The following PSMB7 variants were observed in gnomAD, a reference collection of about 807,000 sequenced individuals.
PSMB7 encodes proteasome 20S subunit beta 7.
Under a neutral mutation model 28.1 loss-of-function variants are expected in PSMB7, and 5 were observed. The observed-to-expected ratio is 0.18, with a 90% CI of 0.09 to 0.37. The LOEUF is 0.37. Among genes scored for constraint, PSMB7 ranks in the 10% least tolerant of loss-of-function variants. The pLI, the probability that PSMB7 is intolerant of heterozygous loss-of-function variation, is 1.00. For missense variants in PSMB7, 275 were observed against 346.2 expected (o/e 0.79, Z 1.63); for synonymous variants, 122 against 123.7 (o/e 0.99, Z 0.09).
At chr9:124,390,079 G>A (rs763922483) in intron 5 of PSMB7, among the ~76,000 whole-genome samples, 1 of 152,182 alleles carries the variant, frequency 6.6e-6, no homozygotes, top group Non-Finnish European at 1.5e-5. Context: ...AAAGAGAAAA[G>A]GTAGAGGCCT....
At chr9:124,357,513 C>T (rs1830421744) in intron 6 of PSMB7, among the ~76,000 whole-genome samples, 1 of 152,154 alleles carries the variant, frequency 6.6e-6, no homozygotes. Flanking sequence ...GCTGGCAGAC[C>T]AAGGGCGGGA....
chr9:124,362,986 G>T (rs922171132), intron 6 of PSMB7, among the ~76,000 whole-genome samples: 1 of 152,098 alleles, frequency 6.6e-6, no homozygotes, highest in African/African-American at 2.4e-5. Flanking sequence ...TAAAAGTCTG[G>T]GTGTGATGAG....
intron 5 of PSMB7, chr9:124,396,990 C>T (rs920408172): frequency 9.0e-6 from 3 of 332,352 alleles, no homozygotes; most frequent in African/African-American, 6.5e-5. Flanking sequence ...ATGAATCGAT[C>T]ACCAGTAGCC....
intron 4 of PSMB7, 120 bp from the exon 5 acceptor site, chr9:124,405,552 A>G: frequency 1.5e-6 from 1 of 648,598 alleles, no homozygotes. Flanking sequence ...TGTTTCATTA[A>G]GGGGTTATTG....
intron 4 of PSMB7, 76 bp from the exon 5 acceptor site, chr9:124,405,508 G>GA: frequency 1.0e-6 from 1 of 994,832 alleles, no homozygotes. Flanking sequence ...AAAGTTGCAT[G>GA]AGAAGTCAGG....
intron 5 of PSMB7, among the ~76,000 whole-genome samples, chr9:124,403,823 A>T (rs1238077197): frequency 1.3e-5 from 2 of 152,096 alleles, no homozygotes. Flanking sequence ...CCAAGTTTCA[A>T]TGTAAGGCTT....
intron 5 of PSMB7, among the ~76,000 whole-genome samples, chr9:124,390,789 G>GA (rs1401608795): frequency 1.3e-5 from 2 of 152,058 alleles, no homozygotes; most frequent in African/African-American, 2.4e-5. Context: ...TGAGGGGATG[G>GA]AAAAAACAAG....
At chr9:124,395,158 ACAGT>A (rs981445326) in intron 5 of PSMB7, among the ~76,000 whole-genome samples, 2 of 152,196 alleles carry the variant, frequency 1.3e-5, no homozygotes, top group African/African-American at 4.8e-5. Context: ...ATCAATGTTC[ACAGT>A]CAAACAGCTA....
intron 6 of PSMB7, among the ~76,000 whole-genome samples, chr9:124,365,187 A>C (rs986698456): frequency 6.6e-6 from 1 of 152,256 alleles, no homozygotes; most frequent in Non-Finnish European, 1.5e-5. Context: ...CAATGGAGAC[A>C]GGCCTGAACA....
intron 6 of PSMB7, among the ~76,000 whole-genome samples, chr9:124,361,579 T>C (rs913189745): frequency 3.3e-5 from 5 of 152,238 alleles, no homozygotes; most frequent in Admixed American, 2.0e-4. Flanking sequence ...ACATGGGCGA[T>C]TGTCTGCATT....
At chr9:124,415,010 CAG>C (rs773760629) in intron 1 of PSMB7, 75 bp from the exon 2 acceptor site, 8 of 969,124 alleles carry the variant, frequency 8.3e-6, no homozygotes, top group Non-Finnish European at 1.3e-5. Context: ...AAGTGCCTAA[CAG>C]AGAACTCAGG....
At position 124,390,879 on chromosome 9, in the gene PSMB7, C is replaced by A. The variant is rs141867411; in HGVS notation, c.512-6223G>T. The stretch of plus-strand genomic sequence containing the variant: ...GCAGCTTATTCCTTACATTTGTATA[C>A]AAGGGCCTAAAGGTCAATCCATGCA... On this transcript the variant is annotated intron_variant, in intron 5 of 7. Transcript: ENST00000259457. Among the ~76,000 whole-genome samples the A allele has an allele frequency of 1.5e-4, 23 of 152,292 alleles. 1 individual carries two copies. Among genetic ancestry groups the A allele is most frequent in the African/African-American group, 5.5e-4 (23 of 41,562 alleles).
intron 5 of PSMB7, among the ~76,000 whole-genome samples, chr9:124,388,172 G>T (rs1194346443): frequency 6.6e-6 from 1 of 152,212 alleles, no homozygotes; most frequent in Non-Finnish European, 1.5e-5. Flanking sequence ...TCTTTTGAAG[G>T]ATCATTTGCT....
intron 5 of PSMB7, among the ~76,000 whole-genome samples, chr9:124,396,587 C>A (rs940536329): frequency 6.6e-6 from 1 of 152,212 alleles, no homozygotes; most frequent in Non-Finnish European, 1.5e-5. Flanking sequence ...ATGGCCCTGG[C>A]AGTGACCCCA....
intron 5 of PSMB7, among the ~76,000 whole-genome samples, chr9:124,385,753 C>T (rs532994923): frequency 3.3e-5 from 5 of 152,192 alleles, no homozygotes; most frequent in Non-Finnish European, 7.3e-5. Context: ...AGCGATTAAA[C>T]AGTTTCAAAT....
At chr9:124,407,011 A>G (rs1474530632) in intron 4 of PSMB7, among the ~76,000 whole-genome samples, 2 of 152,088 alleles carry the variant, frequency 1.3e-5, no homozygotes, top group Non-Finnish European at 2.9e-5. Context: ...AAAAAAAATC[A>G]AAAGAAGAAT....
chr9:124,379,248 T>C (rs867738511), intron 6 of PSMB7, among the ~76,000 whole-genome samples: 3 of 152,242 alleles, frequency 2.0e-5, no homozygotes, highest in Non-Finnish European at 2.9e-5. Context: ...GGTGAAATTA[T>C]CAAACTGTTT....
In PSMB7 at chr9:124,388,866, G is replaced by C. The variant is rs575272150; in HGVS notation, c.512-4210C>G. Among the ~76,000 whole-genome samples, 4 of 152,180 alleles carry C rather than the reference G, an allele frequency of 2.6e-5. No homozygotes were observed. The East Asian group carries it at 7.7e-4, about 29-fold the overall frequency. ...CACTTCTTCCTAGAACCCTTCCTTG[G>C]TCACTCCCCTCCACAGGGTTTATCA... On this transcript the variant is annotated intron_variant, in intron 5 of 7. Coordinates refer to ENST00000259457, the MANE Select transcript of PSMB7 (RefSeq NM_002799.4).
chr9:124,392,719 G>A (rs1442344791), intron 5 of PSMB7, among the ~76,000 whole-genome samples: 1 of 152,162 alleles, frequency 6.6e-6, no homozygotes, highest in Non-Finnish European at 1.5e-5. Flanking sequence ...GAGGTCTTCA[G>A]AATTTCTTTC....
Sources: gnomAD v4.1 joint callset for allele counts (sites outside exome capture counted in the v4.1 genomes callset) on GRCh38, gnomAD v4.1.1 for gene constraint, MANE v1.5 for transcripts, NCBI Gene and HGNC (gene_info 2026-07-23, HGNC 2026-07-21) for gene names.